VPS13B: variants seen among roughly 807,000 people sequenced by gnomAD.
The protein encoded by VPS13B is intermembrane lipid transfer protein VPS13B.
A neutral mutation model predicts 426.4 loss-of-function variants in VPS13B; 285 were observed. The observed-to-expected ratio is 0.67, with a 90% CI of 0.61 to 0.74. The LOEUF (loss-of-function observed/expected upper bound fraction) is 0.74. Among genes scored for constraint, VPS13B ranks in the 30% least tolerant of loss-of-function variants. The probability of loss-of-function intolerance (pLI) is 0.00; values close to 1 mark genes in which losing one functional copy is unlikely to be tolerated. For synonymous variants in VPS13B, 1,676 were observed against 1,676.4 expected, an observed-to-expected ratio of 1.00 and a Z score of 0.01; for missense variants, 4,537 against 4,782.6, an observed-to-expected ratio of 0.95 and a Z score of 1.51.
At chr8:99,402,778 G>A (rs1015740576) in intron 21 of VPS13B, among the ~76,000 whole-genome samples, 3 of 152,210 alleles carry the variant, frequency 2.0e-5, no homozygotes, top group Non-Finnish European at 4.4e-5. Flanking sequence ...AGGCAATGAA[G>A]TTGAACAGCT....
At chr8:99,419,960 C>A (rs1816280402) in intron 21 of VPS13B, among the ~76,000 whole-genome samples, 1 of 152,078 alleles carries the variant, frequency 6.6e-6, no homozygotes. Context: ...TGAATAAAGT[C>A]CATAAACATA....
intron 3 of VPS13B, among the ~76,000 whole-genome samples, chr8:99,067,310 G>C (rs965482581): frequency 6.6e-6 from 1 of 152,130 alleles, no homozygotes; most frequent in African/African-American, 2.4e-5. Context: ...ATACTATGCA[G>C]CCATAAAAAA....
chr8:99,348,405 G>A (rs1285104266), intron 19 of VPS13B: 1 of 152,158 alleles, frequency 6.6e-6, no homozygotes, highest in Non-Finnish European at 1.5e-5. Context: ...TTAGCACATT[G>A]CATTTGTGAT....
chr8:99,818,071 G>A (rs747204967), intron 45 of VPS13B, among the ~76,000 whole-genome samples: 130 of 152,156 alleles, frequency 8.5e-4, no homozygotes, highest in Non-Finnish European at 1.3e-3. Context: ...AGGGTTAGGG[G>A]TAGGGTGGGA....
Position 99,875,497 on chromosome 8 carries a change from T to C in VPS13B, c.11825T>C (p.Leu3942Pro). ...TACATCACAAAGACATCTTGTCACC[T>C]GGCCCCCAGCTGTTCTTCCATGCAA... Reference protein sequence around the residue: ...VDYITKTSCHLAPSCSSMQIP... With the variant: ...VDYITKTSCHPAPSCSSMQIP... Residue 3942 changes from leucine (L) to proline (P), a missense_variant, in exon 62 of 62, where the codon CTG (leucine) becomes CCG (proline). By Grantham distance (98) the Leu-to-Pro change is moderately conservative (BLOSUM62 -3). Coordinates refer to ENST00000357162, the MANE Select transcript of VPS13B (RefSeq NM_152564.5). 1 of 1,614,214 alleles carries C rather than the reference T, an allele frequency of 6.2e-7. No individual in the cohort carries two copies. Among genetic ancestry groups the C allele is most frequent in the Non-Finnish European group, 8.5e-7 (1 of 1,180,026 alleles).
chr8:99,742,862 C>G (rs1246861414), intron 39 of VPS13B, among the ~76,000 whole-genome samples: 1 of 152,146 alleles, frequency 6.6e-6, no homozygotes, highest in Admixed American at 6.5e-5. Flanking sequence ...AACCCACAGC[C>G]AATATCATAC....
At chr8:99,425,189 G>C (rs1816622331) in intron 21 of VPS13B, among the ~76,000 whole-genome samples, 1 of 152,184 alleles carries the variant, frequency 6.6e-6, no homozygotes, top group South Asian at 2.1e-4. Flanking sequence ...AATAGAAAAA[G>C]AGGGAATCCT....
intron 3 of VPS13B, chr8:99,094,048 AT>A (rs1733774255): frequency 6.6e-6 from 1 of 152,180 alleles, no homozygotes; most frequent in African/African-American, 2.4e-5. Flanking sequence ...AATGTTTGTC[AT>A]CTCACATATG....
chr8:99,667,046 G>A (rs556291165), intron 35 of VPS13B, among the ~76,000 whole-genome samples: 2 of 152,192 alleles, frequency 1.3e-5, no homozygotes, highest in African/African-American at 2.4e-5. Flanking sequence ...AATATATTTA[G>A]AGATTTAAAC....
At chr8:99,395,920 A>T (rs924285295) in intron 21 of VPS13B, among the ~76,000 whole-genome samples, 1 of 152,212 alleles carries the variant, frequency 6.6e-6, no homozygotes, top group African/African-American at 2.4e-5. Flanking sequence ...GCCAAACTCA[A>T]TTCTACAGAT....
At chr8:99,700,671 C>T (rs1832231725) in intron 36 of VPS13B, among the ~76,000 whole-genome samples, 1 of 152,176 alleles carries the variant, frequency 6.6e-6, no homozygotes, top group Admixed American at 6.5e-5. Flanking sequence ...GCAGTGACAT[C>T]TACATTTTCC....
intron 30 of VPS13B, among the ~76,000 whole-genome samples, chr8:99,555,803 T>G (rs561100169): frequency 3.3e-4 from 50 of 152,280 alleles, no homozygotes; most frequent in Admixed American, 1.6e-3. Flanking sequence ...CGTTGTATGT[T>G]CCAACTCTAT....
intron 51 of VPS13B, among the ~76,000 whole-genome samples, chr8:99,829,464 T>C (rs1000748450): frequency 6.6e-6 from 1 of 152,240 alleles, no homozygotes; most frequent in Admixed American, 6.5e-5. Flanking sequence ...TATATTCTTC[T>C]CTACACTGGT....
chr8:99,182,165 C>G (rs1812977908), intron 16 of VPS13B, among the ~76,000 whole-genome samples: 1 of 152,158 alleles, frequency 6.6e-6, no homozygotes, highest in African/African-American at 2.4e-5. Context: ...ACAAATACCA[C>G]TCATCAATAA....
chr8:99,073,048 T>G (rs1056231659), intron 3 of VPS13B, among the ~76,000 whole-genome samples: 1 of 152,154 alleles, frequency 6.6e-6, no homozygotes, highest in Non-Finnish European at 1.5e-5. Context: ...GTTTGTTCTT[T>G]TTGCTCAGGG....
At position 99,832,459 on chromosome 8, in the gene VPS13B, T is replaced by C. The variant is rs373968887; in HGVS notation, c.9421T>C (p.Leu3141=). Residue 3141 remains leucine, a synonymous_variant, in exon 52 of 62, where the codon TTG becomes CTG. Coordinates refer to ENST00000357162, the MANE Select transcript of VPS13B (RefSeq NM_152564.5). ...ATCCAGCTCCCTTCCTTGCTGGGACTTGATGCCTGACATCAGTCAGTCAGT... is the reference window on the plus strand; with the variant it reads ...ATCCAGCTCCCTTCCTTGCTGGGACCTGATGCCTGACATCAGTCAGTCAGT... The part of the protein sequence containing the change: ...MKSSSLPCWD[L]MPDISQSVLD... 3.1e-6 allele frequency: 5 copies of C among 1,610,656 alleles called. No homozygotes were observed. In the African/African-American group the frequency reaches 6.7e-5, roughly 22 times the overall value.
intron 33 of VPS13B, among the ~76,000 whole-genome samples, chr8:99,584,513 C>G (rs1826216102): frequency 6.6e-6 from 1 of 152,212 alleles, no homozygotes; most frequent in South Asian, 2.1e-4. Flanking sequence ...GCCAGATACA[C>G]TGGCTACAGT....
intron 19 of VPS13B, among the ~76,000 whole-genome samples, chr8:99,334,246 G>T (rs532081939): frequency 1.6e-4 from 24 of 152,086 alleles, no homozygotes; most frequent in African/African-American, 4.8e-4. Context: ...ATTAGGTGTA[G>T]TCATTTTATC....
chr8:99,772,096 G>A (rs148532458), intron 40 of VPS13B, among the ~76,000 whole-genome samples: 2 of 152,306 alleles, frequency 1.3e-5, no homozygotes, highest in Non-Finnish European at 2.9e-5. Flanking sequence ...TGCATACACA[G>A]TCCCTGAAGT....
Sources: allele counts gnomAD v4.1 joint callset (sites outside exome capture counted in the v4.1 genomes callset), GRCh38; gene constraint gnomAD v4.1.1; transcripts MANE v1.5; gene names NCBI Gene and HGNC (gene_info 2026-07-23, HGNC 2026-07-21).